LIPC: variants seen among roughly 807,000 people sequenced by gnomAD.
LIPC encodes lipase C, hepatic type.
In LIPC, 44 loss-of-function variants were observed where a neutral mutation model predicts 50.7. The observed-to-expected ratio is 0.87, with a 90% CI of 0.68 to 1.11. The LOEUF (loss-of-function observed/expected upper bound fraction) is 1.11, where lower values mean the gene tolerates loss of function less well. Ranked by LOEUF, LIPC falls within the 50% of genes most tolerant of loss-of-function variation. The probability of loss-of-function intolerance (pLI) is 0.00; values close to 1 mark genes in which losing one functional copy is unlikely to be tolerated. For synonymous variants in LIPC, 271 were observed against 256.4 expected, an observed-to-expected ratio of 1.06 and a Z score of -0.54; for missense variants, 697 against 648.2, an observed-to-expected ratio of 1.08 and a Z score of -0.82.
At chr15:58,474,182 C>T (rs796087732) in intron 1 of LIPC, among the ~76,000 whole-genome samples, 35 of 152,294 alleles carry the variant, frequency 2.3e-4, no homozygotes, top group African/African-American at 7.7e-4. Flanking sequence ...TCTTCAGGGG[C>T]ATCTCACCCC....
intron 6 of LIPC, among the ~76,000 whole-genome samples, chr15:58,549,557 G>T (rs1671323576): frequency 6.6e-6 from 1 of 152,222 alleles, no homozygotes; most frequent in African/African-American, 2.4e-5. Context: ...CTCGCGTGGG[G>T]TGCCCACAGC....
At chr15:58,520,242 A>G (rs1892615481) in intron 1 of LIPC, among the ~76,000 whole-genome samples, 1 of 151,968 alleles carries the variant, frequency 6.6e-6, no homozygotes, top group African/African-American at 2.4e-5. Flanking sequence ...AAAACCTAAA[A>G]GCAATTTTGT....
At chr15:58,518,816 G>A (rs1892561387) in intron 1 of LIPC, among the ~76,000 whole-genome samples, 1 of 152,110 alleles carries the variant, frequency 6.6e-6, no homozygotes, top group East Asian at 1.9e-4. Flanking sequence ...TGGTGGTGTT[G>A]CCTGGAGACA....
intron 1 of LIPC, among the ~76,000 whole-genome samples, chr15:58,529,848 C>A (rs576516821): frequency 1.7e-4 from 26 of 152,338 alleles, no homozygotes; most frequent in African/African-American, 6.0e-4. Flanking sequence ...GGAAGGTAGA[C>A]TAGATCATCA....
intron 1 of LIPC, among the ~76,000 whole-genome samples, chr15:58,535,577 C>T (rs1415138621): frequency 1.3e-5 from 2 of 152,170 alleles, no homozygotes; most frequent in Non-Finnish European, 2.9e-5. Context: ...TAAATATACA[C>T]AAGACAGAAT....
At chr15:58,449,886 T>C (rs951317444) in intron 1 of LIPC, among the ~76,000 whole-genome samples, 5 of 152,184 alleles carry the variant, frequency 3.3e-5, no homozygotes, top group African/African-American at 1.2e-4. Flanking sequence ...GAGACCTTTC[T>C]ATTCCACTCC....
At chr15:58,459,726 T>C (rs921936480) in intron 1 of LIPC, among the ~76,000 whole-genome samples, 2 of 152,246 alleles carry the variant, frequency 1.3e-5, no homozygotes, top group African/African-American at 4.8e-5. Context: ...CTTCTGCAGC[T>C]GTCACAGGAA....
intron 1 of LIPC, chr15:58,436,232 G>C (rs1343839319): frequency 6.4e-6 from 1 of 157,210 alleles, no homozygotes; most frequent in Non-Finnish European, 1.4e-5. Context: ...CTTATTACCT[G>C]CTTCTGCATG....
chr15:58,449,887 A>G (rs1893841302), intron 1 of LIPC, among the ~76,000 whole-genome samples: 2 of 152,034 alleles, frequency 1.3e-5, no homozygotes. Context: ...AGACCTTTCT[A>G]TTCCACTCCA....
At chr15:58,447,147 C>CAAAAA (rs34289431) in intron 1 of LIPC, among the ~76,000 whole-genome samples, 2 of 62,294 alleles carry the variant, frequency 3.2e-5, no homozygotes, top group African/African-American at 5.8e-5. Flanking sequence ...GACTCCATCT[C>CAAAAA]AAAAAAAAAA....
In LIPC at chr15:58,568,793, TAA is replaced by T; in HGVS notation, c.1468_1469del (p.Lys490ValfsTer2). The T allele has an allele frequency of 1.2e-6, 2 of 1,608,910 alleles. No homozygotes were observed. Among genetic ancestry groups the T allele is most frequent in the Non-Finnish European group, 1.7e-6 (2 of 1,176,062 alleles). Reference sequence around the variant, plus strand: ...GAAAAAATCTTCGTGAAATGTGAAATAAAGTCTAAAACATCAAAGCGAAAGAT... The same window carrying T: ...GAAAAAATCTTCGTGAAATGTGAAATAGTCTAAAACATCAAAGCGAAAGAT... On this transcript the variant is annotated frameshift_variant, in exon 9 of 9. Coordinates refer to ENST00000299022, the MANE Select transcript of LIPC (RefSeq NM_000236.3). LOFTEE classifies it high-confidence loss of function.
At chr15:58,458,940 G>A (rs1280238955) in intron 1 of LIPC, among the ~76,000 whole-genome samples, 2 of 152,288 alleles carry the variant, frequency 1.3e-5, no homozygotes, top group East Asian at 1.9e-4. Context: ...ATCTGCCATC[G>A]ATAACATCAG....
At chr15:58,540,269 C>A (rs1203252961) in intron 2 of LIPC, among the ~76,000 whole-genome samples, 1 of 152,208 alleles carries the variant, frequency 6.6e-6, no homozygotes, top group Non-Finnish European at 1.5e-5. Context: ...GTATATGTCT[C>A]CTCCTCCTAT....
At chr15:58,566,422 CAGTT>C (rs1289653935) in intron 8 of LIPC, 4 of 984,846 alleles carry the variant, frequency 4.1e-6, no homozygotes, top group Non-Finnish European at 4.8e-6. Context: ...CTTCAAGACT[CAGTT>C]GTTTAGTGAT....
intron 1 of LIPC, among the ~76,000 whole-genome samples, chr15:58,516,061 T>A (rs1201649953): frequency 2.0e-5 from 3 of 152,070 alleles, no homozygotes; most frequent in African/African-American, 7.2e-5. Flanking sequence ...TGAGTTTCCA[T>A]CCCAACATCT....
chr15:58,529,702 C>G (rs542818879), intron 1 of LIPC, among the ~76,000 whole-genome samples: 1 of 152,190 alleles, frequency 6.6e-6, no homozygotes, highest in East Asian at 1.9e-4. Flanking sequence ...GGAAGAGGGT[C>G]GGAACCTCTG....
In LIPC at chr15:58,548,572, G is replaced by A. The variant is rs774232279; in HGVS notation, c.1051G>A (p.Val351Ile). 4 of 1,589,540 alleles carry A rather than the reference G, an allele frequency of 2.5e-6. No homozygotes were observed. Among genetic ancestry groups the A allele is most frequent in the South Asian group, 1.1e-5 (1 of 87,508 alleles). The stretch of plus-strand genomic sequence containing the variant: ...AACGCGAGCCCAGTCCCCCTTCAAA[G>A]GTGAGTGTGGAGCTGGGGAGCCTTC... ...LVTRAQSPFK[V>I]YHYQFKIQFI... The change falls in exon 6 of 9, where the codon GTT becomes ATT. Residue 351 changes from valine (V) to isoleucine (I), a missense_variant and splice_region_variant. Coordinates refer to ENST00000299022, the MANE Select transcript of LIPC (RefSeq NM_000236.3).
chr15:58,556,445 A>T (rs1208870601), intron 6 of LIPC, among the ~76,000 whole-genome samples: 1 of 152,134 alleles, frequency 6.6e-6, no homozygotes, highest in African/African-American at 2.4e-5. Flanking sequence ...TTCCAATAGG[A>T]TTCCAATTAG....
chr15:58,526,815 T>C (rs1305433457), intron 1 of LIPC, among the ~76,000 whole-genome samples: 1 of 152,220 alleles, frequency 6.6e-6, no homozygotes, highest in Non-Finnish European at 1.5e-5. Context: ...TCGTTCATCC[T>C]CACTACCACC....
Sources: allele counts gnomAD v4.1 joint callset (sites outside exome capture counted in the v4.1 genomes callset), GRCh38; gene constraint gnomAD v4.1.1; transcripts MANE v1.5; gene names NCBI Gene and HGNC (gene_info 2026-07-23, HGNC 2026-07-21).